The following SORCS1 variants were observed in gnomAD, a reference collection of about 807,000 sequenced individuals.
The protein encoded by SORCS1 is VPS10 domain-containing receptor SorCS1.
A neutral mutation model predicts 146.1 loss-of-function variants in SORCS1; 60 were observed. The ratio of observed to expected loss-of-function variants is 0.41; its 90% confidence interval spans 0.33 to 0.51. SORCS1 has a LOEUF of 0.51. Among genes scored for constraint, SORCS1 ranks in the 20% least tolerant of loss-of-function variants. The pLI is 0.21. For synonymous variants in SORCS1, 637 were observed against 584.0 expected, an observed-to-expected ratio of 1.09 and a Z score of -1.31; for missense variants, 1,352 against 1,487.6, an observed-to-expected ratio of 0.91 and a Z score of 1.50.
chr10:106,944,789 G>A (rs10786997), intron 2 of SORCS1, among the ~76,000 whole-genome samples: 68,156 of 147,926 alleles, frequency 0.46, 17,426 homozygotes, highest in Non-Finnish European at 0.58. Flanking sequence ...GAGAAGTAAT[G>A]AATAAAATCA....
chr10:106,847,775 G>A (rs572463542), intron 2 of SORCS1, among the ~76,000 whole-genome samples: 1 of 123,072 alleles, frequency 8.1e-6, no homozygotes, highest in Non-Finnish European at 1.8e-5. Context: ...AGAGATTCTG[G>A]TATGTTGTGT....
intron 2 of SORCS1, among the ~76,000 whole-genome samples, chr10:106,940,013 G>A (rs1953950888): frequency 6.6e-6 from 1 of 152,176 alleles, no homozygotes; most frequent in African/African-American, 2.4e-5. Context: ...CCTTGGGACT[G>A]GGAATTCAAT....
intron 1 of SORCS1, among the ~76,000 whole-genome samples, chr10:107,115,802 T>A (rs1487345760): frequency 1.3e-5 from 2 of 151,924 alleles, no homozygotes; most frequent in African/African-American, 4.8e-5. Context: ...ACCTACCTAG[T>A]GAAAAGGCAG....
rs147149749 is a variant in SORCS1 at position 106,643,513 on chromosome 10, G to A, written c.2475+8869C>T. ...TCACAATCACATGTGAGGTCCTCAG[G>A]GCCTCCTGATATAAAGAAGATGCTC... On this transcript the variant is annotated intron_variant, in intron 18 of 25. Transcript: ENST00000263054. 7.1e-4 allele frequency among the ~76,000 whole-genome samples: 108 copies of A among 152,324 alleles called. 1 individual carries two copies. The highest frequency in any genetic ancestry group is 2.5e-3 in the African/African-American group (104 of 41,566).
chr10:106,746,329 T>C (rs184615377), intron 5 of SORCS1, among the ~76,000 whole-genome samples: 4 of 152,342 alleles, frequency 2.6e-5, no homozygotes, highest in Admixed American at 2.6e-4. Flanking sequence ...TGTATTATCT[T>C]TGTAATTGTT....
chr10:106,841,477 TACACACACAC>T (rs71025563), intron 2 of SORCS1, among the ~76,000 whole-genome samples: 2 of 150,358 alleles, frequency 1.3e-5, no homozygotes, highest in Non-Finnish European at 3.0e-5. Context: ...TTCAATAAAA[TACACACACAC>T]ACACACACAC....
At chr10:106,855,052 T>A (rs1949729700) in intron 2 of SORCS1, among the ~76,000 whole-genome samples, 1 of 152,186 alleles carries the variant, frequency 6.6e-6, no homozygotes, top group South Asian at 2.1e-4. Context: ...TCAAAGCAGG[T>A]CTACCAGTAA....
At chr10:107,122,084 G>A (rs1289316507) in intron 1 of SORCS1, among the ~76,000 whole-genome samples, 1 of 152,186 alleles carries the variant, frequency 6.6e-6, no homozygotes, top group African/African-American at 2.4e-5. Context: ...TGCCAGTCTT[G>A]AGAAGTGCTC....
chr10:106,769,312 C>T (rs919649371), intron 4 of SORCS1, among the ~76,000 whole-genome samples: 1 of 151,558 alleles, frequency 6.6e-6, no homozygotes, highest in East Asian at 1.9e-4. Flanking sequence ...AGTGAAGCCC[C>T]GTCTCTACTA....
chr10:106,596,959 C>A (rs1222222075), intron 24 of SORCS1, among the ~76,000 whole-genome samples: 2 of 152,126 alleles, frequency 1.3e-5, no homozygotes, highest in South Asian at 4.1e-4. Context: ...TCAAGCGATT[C>A]TCCTGCCTCA....
At chr10:106,766,653 G>A (rs985092172) in intron 4 of SORCS1, among the ~76,000 whole-genome samples, 5 of 152,116 alleles carry the variant, frequency 3.3e-5, no homozygotes, top group African/African-American at 2.4e-5. Flanking sequence ...TGGCTGTTCC[G>A]TACAGAGAGC....
intron 4 of SORCS1, among the ~76,000 whole-genome samples, chr10:106,770,194 T>C (rs1290783775): frequency 6.6e-6 from 1 of 152,204 alleles, no homozygotes; most frequent in South Asian, 2.1e-4. Context: ...CTGACACATA[T>C]GTACCAAAAA....
intron 18 of SORCS1, among the ~76,000 whole-genome samples, chr10:106,640,846 G>C (rs1239816436): frequency 6.6e-6 from 1 of 152,192 alleles, no homozygotes; most frequent in Admixed American, 6.5e-5. Context: ...CTTTCTAAAA[G>C]TCAGGCATGG....
chr10:107,042,247 G>A (rs1245229096), intron 1 of SORCS1, among the ~76,000 whole-genome samples: 1 of 152,110 alleles, frequency 6.6e-6, no homozygotes, highest in Non-Finnish European at 1.5e-5. Flanking sequence ...TGGCATTGTA[G>A]AATTATCCAG....
Position 107,058,039 on chromosome 10 carries a change from A to AT in SORCS1, c.559-101460dup, listed in dbSNP as rs869039853. Among the ~76,000 whole-genome samples, 1,369 of 150,946 alleles carry AT rather than the reference A, an allele frequency of 9.1e-3. 21 individuals are homozygous for AT. The highest frequency in any genetic ancestry group is 0.03 in the African/African-American group (1,219 of 41,084). ...GACCTAAAATCAACTTTTAAAAAAA[A>AT]TTTTTTTTTTATTTTTTATTGAGAC... On this transcript the variant is annotated intron_variant, in intron 1 of 25. Coordinates refer to ENST00000263054, the MANE Select transcript of SORCS1 (RefSeq NM_052918.5).
At chr10:107,087,943 G>T (rs185727830) in intron 1 of SORCS1, among the ~76,000 whole-genome samples, 6,610 of 152,154 alleles carry the variant, frequency 0.043, 209 homozygotes, top group Non-Finnish European at 0.07. Flanking sequence ...TTTTGAGACG[G>T]AGTCTCGCTC....
rs1846668681 is a variant in SORCS1, at chr10:106,607,280, G to A, written c.3051C>T (p.Gly1017=). ...GGAGCACCGCCACCAGGATGTGCTG[G>A]CCTGGAACCCCTGTGGCCTGAGGGA... ...KSLVEATGVP[G]QHILVAVLPG... Residue 1017 remains glycine, a synonymous_variant, in exon 23 of 26, where the codon GGC becomes GGT. Transcript: ENST00000263054. The A allele has an allele frequency of 6.2e-7, 1 of 1,614,058 alleles. No homozygotes were observed. The highest frequency in any genetic ancestry group is 8.5e-7 in the Non-Finnish European group (1 of 1,179,970).
intron 3 of SORCS1, among the ~76,000 whole-genome samples, chr10:106,778,718 T>C (rs1474416511): frequency 6.6e-6 from 1 of 152,194 alleles, no homozygotes; most frequent in African/African-American, 2.4e-5. Context: ...GTCATTTCCA[T>C]GATAATATGA....
At chr10:107,094,740 A>G (rs2149196) in intron 1 of SORCS1, among the ~76,000 whole-genome samples, 85,207 of 151,926 alleles carry the variant, frequency 0.56, 24,996 homozygotes, top group African/African-American at 0.69. Flanking sequence ...GGAATGATAA[A>G]GATATAGTTT....
Sources: gnomAD v4.1 joint callset for allele counts (sites outside exome capture counted in the v4.1 genomes callset) on GRCh38, gnomAD v4.1.1 for gene constraint, MANE v1.5 for transcripts, NCBI Gene and HGNC (gene_info 2026-07-23, HGNC 2026-07-21) for gene names.